Variants in ANK1 observed in about 807,000 individuals in gnomAD.
ANK1 encodes the protein ankyrin-1.
ANK1 carries 51 observed loss-of-function variants against 210.4 expected under a neutral mutation model. That is an observed-to-expected ratio of 0.24 (90% CI 0.19 to 0.31). The LOEUF is 0.31. Ranked by LOEUF, ANK1 falls within the 10% of genes least tolerant of loss-of-function variation. The pLI is 1.00. For synonymous variants in ANK1, 967 were observed against 1,025.9 expected (o/e 0.94, Z 1.10); for missense variants, 2,051 against 2,504.4 (o/e 0.82, Z 3.86).
chr8:41,873,724 G>C (rs1448378034), intron 1 of ANK1, among the ~76,000 whole-genome samples: 1 of 152,240 alleles, frequency 6.6e-6, no homozygotes, highest in African/African-American at 2.4e-5. Flanking sequence ...TTGCACAGCT[G>C]TGGAGTGGAG....
Position 41,724,445 on chromosome 8 carries a change from C to T in ANK1, c.711+11G>A. 1 of 1,562,488 alleles carries T rather than the reference C, an allele frequency of 6.4e-7. No homozygotes were observed. The highest frequency in any genetic ancestry group is 2.4e-5 in the East Asian group (1 of 42,232). ...CCCCGGACAGTGAGGGCGCACGTGCCCCAGGGTTACCTGTGGTGTGAAATT... is the reference window on the plus strand; with the variant it reads ...CCCCGGACAGTGAGGGCGCACGTGCTCCAGGGTTACCTGTGGTGTGAAATT... On this transcript the variant is annotated intron_variant, in intron 7 of 42. Transcript: ENST00000289734.
chr8:41,752,686 A>G (rs1837999546), intron 2 of ANK1, among the ~76,000 whole-genome samples: 1 of 151,848 alleles, frequency 6.6e-6, no homozygotes, highest in South Asian at 2.1e-4. Context: ...ACTTCCCCTC[A>G]GTGCCCCATC....
At chr8:41,660,655 T>G (rs922672123) in intron 42 of ANK1, 2 of 420,886 alleles carry the variant, frequency 4.8e-6, no homozygotes, top group African/African-American at 4.3e-5. Context: ...CACTGCCCCA[T>G]GCTCACACAC....
At chr8:41,754,734 A>G (rs1263304953) in intron 2 of ANK1, among the ~76,000 whole-genome samples, 5 of 152,208 alleles carry the variant, frequency 3.3e-5, no homozygotes, top group African/African-American at 9.6e-5. Context: ...CGCTGGGTGC[A>G]TTCGTGGGTT....
chr8:41,694,151 T>C lies in ANK1; in HGVS notation c.3328-49A>G. On this transcript the variant is annotated intron_variant, in intron 28 of 42. Coordinates refer to ENST00000289734, the MANE Select transcript of ANK1 (RefSeq NM_000037.4). This position sits in a 1 kb window ranked among gnomAD's most constrained non-coding sequence, Gnocchi z 5.7. ...ACTCAGGCCCAAGCAGGAGAGGGGC[T>C]AATCAGACGGGAGGCAGCTCCATGC... The C allele has an allele frequency of 6.4e-7, 1 of 1,573,862 alleles. No individual in the cohort carries two copies. The highest frequency in any genetic ancestry group is 8.7e-7 in the Non-Finnish European group (1 of 1,152,214).
At chr8:41,717,821 G>C (rs1563545915) in intron 11 of ANK1, 119 bp from the exon 12 acceptor site, 12 of 1,060,236 alleles carry the variant, frequency 1.1e-5, no homozygotes, top group Non-Finnish European at 1.4e-5. Context: ...GGAGCTATAT[G>C]AGGTGGGTTT....
Position 41,837,214 on chromosome 8 carries a change from A to G in ANK1, c.126+59141T>C, listed in dbSNP as rs192241394. Among the ~76,000 whole-genome samples, 11 of 152,372 alleles carry G rather than the reference A, an allele frequency of 7.2e-5. No individual in the cohort carries two copies. The East Asian group carries it at 1.5e-3, about 21-fold the overall frequency. ...GACAAAGAATGCAGGAGAGCTTTAT[A>G]GCTATAATCTCTATAGTCACACCTT... On this transcript the variant is annotated intron_variant, in intron 1 of 42. Coordinates refer to the ANK1 transcript ENST00000265709.
At chr8:41,896,538 G>C in exon 1 of ANK1, 4 of 1,533,586 alleles carry the variant, frequency 2.6e-6, no homozygotes, top group Non-Finnish European at 3.5e-6. Flanking sequence ...AGCGATCCCC[G>C]AGGCGACACC....
chr8:41,756,403 TA>T (rs950189307), intron 2 of ANK1, among the ~76,000 whole-genome samples: 1 of 151,424 alleles, frequency 6.6e-6, no homozygotes, highest in Non-Finnish European at 1.5e-5. Flanking sequence ...CTCGGCCTCC[TA>T]AAGTGCTGGG....
intron 42 of ANK1, 90 bp downstream of exon 42, chr8:41,661,340 G>A: frequency 6.5e-7 from 1 of 1,542,936 alleles, no homozygotes; most frequent in South Asian, 1.2e-5. Context: ...ACATCATGCT[G>A]GGGTGGCTGG....
intron 2 of ANK1, among the ~76,000 whole-genome samples, chr8:41,754,975 G>T (rs1838746780): frequency 6.6e-6 from 1 of 152,222 alleles, no homozygotes. Flanking sequence ...GCAGCAAGGG[G>T]CTTTGCACTT....
chr8:41,725,540 C>T (rs1485586970), intron 6 of ANK1, among the ~76,000 whole-genome samples: 2 of 152,204 alleles, frequency 1.3e-5, no homozygotes, highest in Non-Finnish European at 2.9e-5. Context: ...CAACAGGAAC[C>T]ACCCCCGCTG....
chr8:41,880,121 G>A (rs1817320576), intron 1 of ANK1, among the ~76,000 whole-genome samples: 1 of 152,180 alleles, frequency 6.6e-6, no homozygotes, highest in South Asian at 2.1e-4. Flanking sequence ...AAGTGGTTAG[G>A]AGAAAGAAGA....
intron 1 of ANK1, among the ~76,000 whole-genome samples, chr8:41,859,026 G>C (rs1293660444): frequency 1.3e-5 from 2 of 152,216 alleles, no homozygotes; most frequent in Non-Finnish European, 2.9e-5. Flanking sequence ...GACCCCACCA[G>C]GTTCAGCTTG....
chr8:41,785,679 C>A (rs990091435), intron 1 of ANK1, among the ~76,000 whole-genome samples: 1 of 152,354 alleles, frequency 6.6e-6, no homozygotes, highest in African/African-American at 2.4e-5. Flanking sequence ...CTGCGCATCC[C>A]TGAGGGTCTC....
chr8:41,663,960 G>T, intron 39 of ANK1: 1 of 646,568 alleles, frequency 1.5e-6, no homozygotes, highest in Non-Finnish European at 2.8e-6. Context: ...ACGAACGGTC[G>T]AGCTCACAAT....
At chr8:41,719,158 G>A (rs1439940753) in intron 10 of ANK1, among the ~76,000 whole-genome samples, 1 of 152,206 alleles carries the variant, frequency 6.6e-6, no homozygotes, top group East Asian at 1.9e-4. Flanking sequence ...TCCTGGGAAG[G>A]AGGCAGAGGA....
intron 1 of ANK1, among the ~76,000 whole-genome samples, chr8:41,777,719 C>CA (rs2150742754): frequency 6.6e-6 from 1 of 152,342 alleles, no homozygotes; most frequent in East Asian, 1.9e-4. Flanking sequence ...TCTACTCTAA[C>CA]ATCAGTGCTG....
chr8:41,739,495 G>C (rs893257741), intron 2 of ANK1, among the ~76,000 whole-genome samples: 1 of 128,380 alleles, frequency 7.8e-6, no homozygotes, highest in Non-Finnish European at 1.8e-5. Context: ...TTTGTCTCTC[G>C]ACAATAGTTC....
Sources: gnomAD v4.1 joint callset for allele counts (sites outside exome capture counted in the v4.1 genomes callset) on GRCh38, gnomAD v4.1.1 for gene constraint, Gnocchi (gnomAD v3.1) non-coding constraint, MANE v1.5 for transcripts, NCBI Gene and HGNC (gene_info 2026-07-23, HGNC 2026-07-21) for gene names.